The following ALKBH8 variants were observed in gnomAD, a reference collection of about 807,000 sequenced individuals.
ALKBH8 encodes the protein tRNA (carboxymethyluridine(34)-5-O)-methyltransferase ALKBH8.
ALKBH8 carries 36 observed loss-of-function variants against 59.8 expected under a neutral mutation model. The ratio of observed to expected loss-of-function variants is 0.60; its 90% confidence interval spans 0.46 to 0.79. The LOEUF (loss-of-function observed/expected upper bound fraction) is 0.79. Ranked by LOEUF, ALKBH8 falls within the 30% of genes least tolerant of loss-of-function variation. ALKBH8 has a pLI of 0.00. For missense variants in ALKBH8, 768 were observed against 801.0 expected, an observed-to-expected ratio of 0.96 and a Z score of 0.50; for synonymous variants, 276 against 273.6, an observed-to-expected ratio of 1.01 and a Z score of -0.09.
At chr11:107,540,454 G>T (rs1863989766) in intron 7 of ALKBH8, among the ~76,000 whole-genome samples, 1 of 152,130 alleles carries the variant, frequency 6.6e-6, no homozygotes, top group Non-Finnish European at 1.5e-5. Context: ...CTGGCTAACG[G>T]TCTAGACACA....
intron 8 of ALKBH8, among the ~76,000 whole-genome samples, chr11:107,528,387 G>T (rs1362460492): frequency 6.6e-6 from 1 of 152,060 alleles, no homozygotes; most frequent in Non-Finnish European, 1.5e-5. Flanking sequence ...TAGGGTACAT[G>T]TGCACAACGT....
intron 11 of ALKBH8, among the ~76,000 whole-genome samples, chr11:107,506,136 G>A (rs1447370350): frequency 1.3e-5 from 2 of 152,076 alleles, no homozygotes; most frequent in Non-Finnish European, 2.9e-5. Context: ...AAATAGCCTT[G>A]GAGTACATTC....
At chr11:107,521,265 C>T (rs1204370024) in intron 10 of ALKBH8, among the ~76,000 whole-genome samples, 1 of 152,126 alleles carries the variant, frequency 6.6e-6, no homozygotes, top group Non-Finnish European at 1.5e-5. Context: ...CACTGTTGCT[C>T]ATGTAGGGGT....
intron 7 of ALKBH8, among the ~76,000 whole-genome samples, chr11:107,534,539 A>C (rs1306968694): frequency 6.6e-6 from 1 of 152,172 alleles, no homozygotes; most frequent in Non-Finnish European, 1.5e-5. Context: ...GTGAAATTCA[A>C]ACTTATTCCC....
At chr11:107,510,645 A>G (rs1178153495) in intron 11 of ALKBH8, among the ~76,000 whole-genome samples, 4 of 152,158 alleles carry the variant, frequency 2.6e-5, no homozygotes, top group Non-Finnish European at 5.9e-5. Context: ...TGGGGTAGGA[A>G]AGGGGCGAAA....
chr11:107,536,865 C>A (rs1863838113), intron 7 of ALKBH8, among the ~76,000 whole-genome samples: 1 of 152,132 alleles, frequency 6.6e-6, no homozygotes, highest in South Asian at 2.1e-4. Flanking sequence ...ATGAAGGTGT[C>A]TAGGCTAGGA....
At chr11:107,521,152 G>A (rs991732081) in intron 10 of ALKBH8, among the ~76,000 whole-genome samples, 3 of 152,056 alleles carry the variant, frequency 2.0e-5, no homozygotes, top group Non-Finnish European at 4.4e-5. Flanking sequence ...AGATACCAAG[G>A]GACTAATATA....
intron 10 of ALKBH8, among the ~76,000 whole-genome samples, chr11:107,517,273 G>T (rs921508342): frequency 2.0e-5 from 3 of 152,106 alleles, no homozygotes; most frequent in Non-Finnish European, 2.9e-5. Context: ...AACAAACGGC[G>T]TTGAGGATGT....
chr11:107,531,568 C>T (rs184662470), intron 8 of ALKBH8, among the ~76,000 whole-genome samples: 8 of 152,272 alleles, frequency 5.3e-5, no homozygotes, highest in Admixed American at 5.2e-4. Flanking sequence ...AATCCTCGAT[C>T]AGAAAGAATG....
chr11:107,547,087 C>T (rs1864291163), intron 7 of ALKBH8, among the ~76,000 whole-genome samples: 1 of 151,998 alleles, frequency 6.6e-6, no homozygotes, highest in African/African-American at 2.4e-5. Context: ...TTAAGCCAAA[C>T]AAAACGAAAA....
intron 7 of ALKBH8, among the ~76,000 whole-genome samples, chr11:107,546,947 A>G (rs1158233050): frequency 6.6e-6 from 1 of 152,182 alleles, no homozygotes; most frequent in Admixed American, 6.5e-5. Context: ...AGTTAAGAAT[A>G]CCTCATGGGA....
rs141082911 is a variant in ALKBH8, at chr11:107,514,852, G to A, written c.1288-3816C>T. On this transcript the variant is annotated intron_variant, in intron 10 of 11. Transcript: ENST00000428149. ...AAAAAAAACCTCAGGGATAGGGCTC[G>A]ATAGTTACTCAAAAGAGGAAAGTTA... Among the ~76,000 whole-genome samples, 1,299 of 151,980 alleles carry A rather than the reference G, an allele frequency of 8.5e-3. 22 individuals carry two copies. Among genetic ancestry groups the A allele is most frequent in the African/African-American group, 0.03 (1,228 of 41,446 alleles).
chr11:107,511,790 G>T (rs1862637213), intron 10 of ALKBH8, among the ~76,000 whole-genome samples: 1 of 151,984 alleles, frequency 6.6e-6, no homozygotes, highest in Non-Finnish European at 1.5e-5. Flanking sequence ...TGGTCAGGCT[G>T]GTCTCGAACT....
At chr11:107,510,155 T>A (rs1862562405) in intron 11 of ALKBH8, among the ~76,000 whole-genome samples, 1 of 152,104 alleles carries the variant, frequency 6.6e-6, no homozygotes, top group African/African-American at 2.4e-5. Flanking sequence ...GTTTTCTGAT[T>A]TGTTTTGATT....
intron 7 of ALKBH8, among the ~76,000 whole-genome samples, chr11:107,543,034 C>T (rs632033): frequency 0.75 from 114,445 of 151,876 alleles, 44,263 homozygotes; most frequent in South Asian, 0.85. Flanking sequence ...GACGGTGAAT[C>T]GCTGAAAACA....
intron 11 of ALKBH8, among the ~76,000 whole-genome samples, chr11:107,509,645 CTT>C (rs1333899939): frequency 6.6e-6 from 1 of 152,074 alleles, no homozygotes; most frequent in East Asian, 1.9e-4. Context: ...CTGTATAAGT[CTT>C]TGATCCATTT....
chr11:107,529,916 T>C (rs188721892), intron 8 of ALKBH8, among the ~76,000 whole-genome samples: 193 of 152,262 alleles, frequency 1.3e-3, no homozygotes, highest in South Asian at 9.5e-3. Context: ...TGCTCAGCCT[T>C]AGATCAGGGA....
intron 10 of ALKBH8, among the ~76,000 whole-genome samples, chr11:107,515,271 C>A (rs1329167726): frequency 7.9e-5 from 12 of 152,192 alleles, no homozygotes; most frequent in Non-Finnish European, 1.5e-4. Flanking sequence ...TAAAAACCCA[C>A]ATATATTCAA....
intron 7 of ALKBH8, among the ~76,000 whole-genome samples, chr11:107,535,382 G>A (rs1185756081): frequency 6.6e-6 from 1 of 152,138 alleles, no homozygotes; most frequent in African/African-American, 2.4e-5. Context: ...TAGTGTAAAA[G>A]TGTTCCCTTT....
Sources: gnomAD v4.1 joint callset for allele counts (sites outside exome capture counted in the v4.1 genomes callset) on GRCh38, gnomAD v4.1.1 for gene constraint, MANE v1.5 for transcripts, NCBI Gene and HGNC (gene_info 2026-07-23, HGNC 2026-07-21) for gene names.